ARHGEF3: variants seen among roughly 807,000 people sequenced by gnomAD.
ARHGEF3 encodes the protein 59.8 kDA protein.
A neutral mutation model predicts 63.2 loss-of-function variants in ARHGEF3; 28 were observed. The observed-to-expected ratio is 0.44, with a 90% confidence interval of 0.33 to 0.61. ARHGEF3 has a LOEUF of 0.61. Among genes scored for constraint, ARHGEF3 ranks in the 20% least tolerant of loss-of-function variants. The pLI is 0.03. For missense variants in ARHGEF3, 533 were observed against 659.3 expected, an observed-to-expected ratio of 0.81 and a Z score of 2.10; for synonymous variants, 266 against 254.2, an observed-to-expected ratio of 1.05 and a Z score of -0.44.
chr3:57,007,079 G>A lies in ARHGEF3; in HGVS notation c.62+28009C>T, dbSNP rs930715473. The A allele has an allele frequency of 1.1e-5, 11 of 1,005,306 alleles. No individual in the cohort carries two copies. The African/African-American group carries it at 1.7e-4, about 16-fold the overall frequency. 62.3% of individuals were successfully genotyped at this position (1,005,306 alleles called of 1,614,324 possible). The stretch of plus-strand genomic sequence containing the variant: ...CTCACTCTGGGTGCTGACTATTAAG[G>A]TGTGCTCAGCATGTGAAACCCAGCA... On this transcript the variant is annotated intron_variant, in intron 2 of 12. Coordinates refer to the ARHGEF3 transcript ENST00000338458.
intron 2 of ARHGEF3, among the ~76,000 whole-genome samples, chr3:56,987,158 G>C (rs139631307): frequency 6.6e-6 from 1 of 152,348 alleles, no homozygotes; most frequent in African/African-American, 2.4e-5. Context: ...GCTGCAGTGA[G>C]CTGTGATCGT....
intron 4 of ARHGEF3, among the ~76,000 whole-genome samples, chr3:56,861,201 G>C (rs1286893035): frequency 6.6e-6 from 1 of 152,190 alleles, no homozygotes; most frequent in Admixed American, 6.5e-5. Flanking sequence ...CCAGTGAGTG[G>C]TGGTCAGTGC....
intron 3 of ARHGEF3, chr3:56,940,278 CA>C (rs1280718554): frequency 6.6e-6 from 1 of 152,154 alleles, no homozygotes; most frequent in Non-Finnish European, 1.5e-5. Flanking sequence ...CTGTCACTTG[CA>C]ACTAGGATTT....
chr3:56,742,238 T>C lies in ARHGEF3; in HGVS notation c.870+2967A>G, dbSNP rs374661651. Among the ~76,000 whole-genome samples the C allele has an allele frequency of 9.3e-4, 142 of 152,210 alleles. 1 individual carries two copies. The highest frequency in any genetic ancestry group is 3.3e-3 in the African/African-American group (138 of 41,524). ...TGGGGGGAAGGGATGCTCTGCAGGA[T>C]CATTTTCTGGCCGAAAAATTCTTAG... On this transcript the variant is annotated intron_variant, in intron 7 of 9. Transcript: ENST00000296315.
Position 56,979,381 on chromosome 3 carries a change from T to C in ARHGEF3, c.63-20492A>G, listed in dbSNP as rs574253228. ...GACAGGTTCACAGTGTTATTTGCCA[T>C]TGCATCCGTGGTAGGGCCAAGCTCG... On this transcript the variant is annotated intron_variant, in intron 2 of 12. Transcript: ENST00000338458. Among the ~76,000 whole-genome samples the C allele has an allele frequency of 1.1e-4, 16 of 152,332 alleles. No individual in the cohort carries two copies. The South Asian group carries it at 2.5e-3, about 24-fold the overall frequency.
chr3:57,050,457 A>G (rs1704624913), intron 1 of ARHGEF3, among the ~76,000 whole-genome samples: 1 of 152,140 alleles, frequency 6.6e-6, no homozygotes, highest in Admixed American at 6.5e-5. Flanking sequence ...GCCCCAGGGC[A>G]CACAGTACAG....
At chr3:56,967,931 TATAA>T in intron 2 of ARHGEF3, among the ~76,000 whole-genome samples, 1 of 70,126 alleles carries the variant, frequency 1.4e-5, no homozygotes, top group African/African-American at 5.6e-5. Flanking sequence ...TTATATATAA[TATAA>T]AATATATTAT....
chr3:57,069,884 A>G (rs1259889931), intron 1 of ARHGEF3, among the ~76,000 whole-genome samples: 3 of 152,194 alleles, frequency 2.0e-5, no homozygotes, highest in African/African-American at 4.8e-5. Flanking sequence ...GCCTGAGGCA[A>G]TGCTCCCACT....
chr3:57,010,216 AG>A (rs1009615415), intron 2 of ARHGEF3, among the ~76,000 whole-genome samples: 6 of 152,182 alleles, frequency 3.9e-5, no homozygotes, highest in Non-Finnish European at 7.3e-5. Flanking sequence ...GCACTTTGGG[AG>A]GCCAAGGCGG....
rs73833774 is a variant in ARHGEF3 at position 56,918,672 on chromosome 3, A to G, written c.130-36318T>C. Among the ~76,000 whole-genome samples, 600 of 152,332 alleles carry G rather than the reference A, an allele frequency of 3.9e-3. 3 individuals are homozygous for G. Among genetic ancestry groups the G allele is most frequent in the African/African-American group, 0.013 (559 of 41,568 alleles). ...ACTCCCGGATTGAAATGGGTCCATGAAGAAGGCACTTCAAGAGGAGAATTT... is the reference window on the plus strand; with the variant it reads ...ACTCCCGGATTGAAATGGGTCCATGGAGAAGGCACTTCAAGAGGAGAATTT... On this transcript the variant is annotated intron_variant, in intron 3 of 12. Coordinates refer to the ARHGEF3 transcript ENST00000338458.
chr3:56,870,168 C>T (rs1387291504), intron 4 of ARHGEF3, among the ~76,000 whole-genome samples: 5 of 152,024 alleles, frequency 3.3e-5, no homozygotes, highest in Non-Finnish European at 5.9e-5. Context: ...TAAAAATAAA[C>T]TATACCCATC....
chr3:56,761,503 T>C (rs1190279663), intron 2 of ARHGEF3, among the ~76,000 whole-genome samples: 3 of 152,152 alleles, frequency 2.0e-5, no homozygotes, highest in African/African-American at 7.2e-5. Flanking sequence ...TTCATGTCTA[T>C]TTCCTTCCAA....
chr3:56,801,879 G>A lies in ARHGEF3; in HGVS notation c.-81C>T. 1 of 1,549,920 alleles carries A rather than the reference G, an allele frequency of 6.5e-7. No individual in the cohort carries two copies. Among genetic ancestry groups the A allele is most frequent in the Non-Finnish European group, 8.7e-7 (1 of 1,146,770 alleles). On this transcript the variant is annotated 5_prime_UTR_variant, in exon 1 of 10. Transcript: ENST00000296315. ...AACTCCCAGGCAAAAGGGGGCCCCA[G>A]CTCCACGATGCCGGGCGGCGGCGGC...
chr3:56,867,913 A>C (rs890250009), intron 4 of ARHGEF3, among the ~76,000 whole-genome samples: 4 of 152,230 alleles, frequency 2.6e-5, no homozygotes, highest in African/African-American at 9.7e-5. Context: ...ATCTGGAGGA[A>C]GTGATAATGG....
At chr3:56,817,762 AACTT>A (rs2038325473) in intron 4 of ARHGEF3, among the ~76,000 whole-genome samples, 2 of 152,200 alleles carry the variant, frequency 1.3e-5, no homozygotes, top group Admixed American at 6.5e-5. Flanking sequence ...GCCATGCCAG[AACTT>A]ACTTAGTCTG....
intron 4 of ARHGEF3, among the ~76,000 whole-genome samples, chr3:56,843,546 T>C (rs529380572): frequency 3.9e-5 from 6 of 152,118 alleles, no homozygotes; most frequent in Non-Finnish European, 8.8e-5. Flanking sequence ...GGATCACAGG[T>C]GTGAGCCACC....
chr3:57,078,708 G>C (rs956449243), intron 1 of ARHGEF3: 1 of 152,324 alleles, frequency 6.6e-6, no homozygotes, highest in African/African-American at 2.4e-5. Context: ...GGAGCGCCCT[G>C]AGCCCGGCTC....
chr3:57,050,241 C>T (rs1704617379), intron 1 of ARHGEF3, among the ~76,000 whole-genome samples: 1 of 152,246 alleles, frequency 6.6e-6, no homozygotes, highest in Non-Finnish European at 1.5e-5. Context: ...TTGGCTTAAA[C>T]CTCTGCAAGG....
intron 1 of ARHGEF3, among the ~76,000 whole-genome samples, chr3:57,036,176 G>C (rs964984278): frequency 6.6e-6 from 1 of 152,134 alleles, no homozygotes; most frequent in African/African-American, 2.4e-5. Context: ...TAATGAGTGA[G>C]GGGATGTTAA....
Sources: allele counts gnomAD v4.1 joint callset (sites outside exome capture counted in the v4.1 genomes callset), GRCh38; gene constraint gnomAD v4.1.1; transcripts MANE v1.5; gene names NCBI Gene and HGNC (gene_info 2026-07-23, HGNC 2026-07-21).